Variants in RIMS1 observed in about 807,000 individuals in gnomAD.
RIMS1 encodes regulating synaptic membrane exocytosis 1.
Under a neutral mutation model 214.1 loss-of-function variants are expected in RIMS1, and 83 were observed. The ratio of observed to expected loss-of-function variants is 0.39; its 90% CI spans 0.32 to 0.47. The LOEUF (loss-of-function observed/expected upper bound fraction) is 0.47. Ranked by LOEUF, RIMS1 falls within the 20% of genes least tolerant of loss-of-function variation. The probability of loss-of-function intolerance (pLI) is 0.99; values close to 1 mark genes in which losing one functional copy is unlikely to be tolerated. For missense variants in RIMS1, 2,050 were observed against 2,161.8 expected, an observed-to-expected ratio of 0.95 and a Z score of 1.03; for synonymous variants, 793 against 786.8, an observed-to-expected ratio of 1.01 and a Z score of -0.13.
At chr6:72,342,561 C>A (rs1159121693) in intron 29 of RIMS1, among the ~76,000 whole-genome samples, 1 of 151,368 alleles carries the variant, frequency 6.6e-6, no homozygotes, top group Non-Finnish European at 1.5e-5. Context: ...TTTGATTCTA[C>A]CAACATTTAT....
chr6:72,263,663 G>A, intron 19 of RIMS1: 1 of 985,354 alleles, frequency 1.0e-6, no homozygotes, highest in Non-Finnish European at 1.2e-6. Flanking sequence ...CGACTGTCTA[G>A]AAAGGAGGCT....
chr6:72,142,576 A>C (rs770966493), intron 4 of RIMS1, among the ~76,000 whole-genome samples: 7 of 152,056 alleles, frequency 4.6e-5, no homozygotes, highest in Non-Finnish European at 8.8e-5. Flanking sequence ...TCACAGACTG[A>C]TCTCAGTGTG....
At chr6:71,928,147 A>T (rs1221137851) in intron 1 of RIMS1, among the ~76,000 whole-genome samples, 2 of 152,150 alleles carry the variant, frequency 1.3e-5, no homozygotes, top group Middle Eastern at 3.2e-3. Context: ...GATTCCAGAC[A>T]TTCATTCTTT....
intron 1 of RIMS1, among the ~76,000 whole-genome samples, chr6:71,931,226 T>G (rs1782931066): frequency 6.6e-6 from 1 of 152,032 alleles, no homozygotes; most frequent in African/African-American, 2.4e-5. Context: ...TGTCATATAT[T>G]TAAATACAGG....
chr6:72,328,814 C>G (rs2154334546), intron 28 of RIMS1, among the ~76,000 whole-genome samples: 1 of 151,690 alleles, frequency 6.6e-6, no homozygotes, highest in Admixed American at 6.6e-5. Context: ...AAAAAAAATA[C>G]TTGCAAAAAT....
chr6:72,254,695 T>TTCTTCCTCTTTC (rs1348463001), intron 16 of RIMS1, among the ~76,000 whole-genome samples: 5 of 152,192 alleles, frequency 3.3e-5, no homozygotes, highest in Non-Finnish European at 7.4e-5. Context: ...AATGATGAGT[T>TTCTTCCTCTTTC]TCTTCCTCTT....
chr6:72,143,476 A>C (rs1314878193), intron 4 of RIMS1, among the ~76,000 whole-genome samples: 2 of 152,186 alleles, frequency 1.3e-5, no homozygotes, highest in African/African-American at 4.8e-5. Context: ...TTGGGAAAAA[A>C]TGGTCAATTC....
intron 29 of RIMS1, among the ~76,000 whole-genome samples, chr6:72,352,614 G>A (rs1014459832): frequency 1.3e-5 from 2 of 152,114 alleles, no homozygotes; most frequent in Non-Finnish European, 2.9e-5. Context: ...CTCATGGCAG[G>A]CAGTCAACTC....
intron 2 of RIMS1, among the ~76,000 whole-genome samples, chr6:72,096,485 C>T (rs1562301074): frequency 1.3e-5 from 2 of 152,094 alleles, no homozygotes; most frequent in African/African-American, 2.4e-5. Flanking sequence ...TTGTGACAAA[C>T]TTATTTTTGA....
chr6:72,325,296 A>T (rs1260714884), intron 28 of RIMS1, among the ~76,000 whole-genome samples: 1 of 151,794 alleles, frequency 6.6e-6, no homozygotes, highest in African/African-American at 2.4e-5. Context: ...GGGATGATAA[A>T]TGATGGATGA....
At chr6:72,375,495 A>G (rs920427716) in intron 29 of RIMS1, among the ~76,000 whole-genome samples, 4 of 152,126 alleles carry the variant, frequency 2.6e-5, no homozygotes, top group African/African-American at 9.7e-5. Context: ...TACACTGATG[A>G]ACTAACTTGT....
At position 71,894,025 on chromosome 6, in the gene RIMS1, T is replaced by TTA. The variant is rs1316419901; in HGVS notation, c.164+6841_164+6842dup. On this transcript the variant is annotated intron_variant, in intron 1 of 33. Coordinates refer to ENST00000521978, the MANE Select transcript of RIMS1 (RefSeq NM_014989.7). ...GCTTTCTCTTCCCCAAATTCTTCAT[T>TTA]TATAACTTCAGAAAATCAAGCAATT... is the stretch of plus-strand genomic sequence containing the variant. 2.0e-5 allele frequency among the ~76,000 whole-genome samples: 3 copies of TTA among 152,216 alleles called. 1 individual carries two copies. In the East Asian group the frequency reaches 5.8e-4, roughly 29 times the overall value.
chr6:72,245,057 G>C (rs1331751652), intron 10 of RIMS1, among the ~76,000 whole-genome samples: 1 of 151,866 alleles, frequency 6.6e-6, no homozygotes, highest in East Asian at 1.9e-4. Flanking sequence ...AAACCAAGGT[G>C]ATCTAGGGTT....
chr6:72,179,972 C>T (rs1028818449), intron 5 of RIMS1, 57 bp downstream of exon 5: 6 of 1,174,372 alleles, frequency 5.1e-6, no homozygotes, highest in East Asian at 2.6e-5. Context: ...AGAGCAAAGC[C>T]GTTTTCAAGA....
intron 2 of RIMS1, among the ~76,000 whole-genome samples, chr6:72,028,079 A>G (rs1211036490): frequency 6.6e-6 from 1 of 152,176 alleles, no homozygotes; most frequent in African/African-American, 2.4e-5. Context: ...TTGTTATTAA[A>G]TGGAGGGAAA....
chr6:72,137,525 T>C (rs544091590), intron 4 of RIMS1, among the ~76,000 whole-genome samples: 38 of 152,012 alleles, frequency 2.5e-4, no homozygotes, highest in African/African-American at 8.9e-4. Context: ...TAACCTTTGC[T>C]TATTTTTCTA....
intron 11 of RIMS1, among the ~76,000 whole-genome samples, chr6:72,246,935 A>T (rs1317956480): frequency 1.3e-5 from 2 of 152,184 alleles, no homozygotes; most frequent in Non-Finnish European, 2.9e-5. Context: ...TTATCACTAA[A>T]TGTTTTCGGA....
rs1596397113 is a variant in RIMS1 at position 72,398,971 on chromosome 6, A to G, written c.4737A>G (p.Val1579=). 2 of 1,598,674 alleles carry G rather than the reference A, an allele frequency of 1.3e-6. No homozygotes were observed. The highest frequency in any genetic ancestry group is 2.2e-5 in the East Asian group (1 of 44,664). ...TTTGTTTAGCTCCATATGTCAAAGT[A>G]TATCTTTTGGAAAATGGGGCCTGTA... ...SKSTPAPYVK[V]YLLENGACIA... Residue 1579 remains valine (V), a synonymous_variant, in exon 33 of 34, where the codon GTA becomes GTG. Coordinates refer to ENST00000521978, the MANE Select transcript of RIMS1 (RefSeq NM_014989.7).
At chr6:71,976,988 A>C (rs1797312272) in intron 2 of RIMS1, among the ~76,000 whole-genome samples, 1 of 152,150 alleles carries the variant, frequency 6.6e-6, no homozygotes, top group Admixed American at 6.6e-5. Flanking sequence ...CTATGACTTT[A>C]AGCTCTGCAT....
Sources: allele counts gnomAD v4.1 joint callset (sites outside exome capture counted in the v4.1 genomes callset), GRCh38; gene constraint gnomAD v4.1.1; transcripts MANE v1.5; gene names NCBI Gene and HGNC (gene_info 2026-07-23, HGNC 2026-07-21).